EYS: variants seen among roughly 807,000 people sequenced by gnomAD.
The protein encoded by EYS is protein eyes shut homolog.
EYS carries 250 observed loss-of-function variants against 282.1 expected under a neutral mutation model. The observed-to-expected ratio is 0.89, with a 90% CI of 0.80 to 0.98. EYS has a LOEUF of 0.98. EYS is among the 50% of genes least tolerant of loss of function. The pLI, the probability that EYS is intolerant of heterozygous loss-of-function variation, is 0.00. For missense variants in EYS, 4,016 were observed against 3,709.0 expected (o/e 1.08, Z -2.15); for synonymous variants, 1,355 against 1,282.9 (o/e 1.06, Z -1.20).
At chr6:64,634,881 G>A (rs1356677962) in intron 22 of EYS, among the ~76,000 whole-genome samples, 1 of 152,194 alleles carries the variant, frequency 6.6e-6, no homozygotes, top group East Asian at 1.9e-4. Context: ...AAGCATGATG[G>A]GGATGGCATT....
chr6:64,093,843 G>T (rs954757259), intron 31 of EYS, among the ~76,000 whole-genome samples: 2 of 152,144 alleles, frequency 1.3e-5, no homozygotes, highest in African/African-American at 4.8e-5. Context: ...GGTTTTCAAA[G>T]GGAATGCTTC....
chr6:65,467,479 C>A (rs796731942), intron 5 of EYS, among the ~76,000 whole-genome samples: 8 of 151,252 alleles, frequency 5.3e-5, no homozygotes, highest in African/African-American at 1.7e-4. Context: ...CCTAGAATGA[C>A]AAAACTGATA....
chr6:65,466,407 T>C (rs1322845604), intron 5 of EYS, among the ~76,000 whole-genome samples: 1 of 152,046 alleles, frequency 6.6e-6, no homozygotes, highest in African/African-American at 2.4e-5. Flanking sequence ...TATGTACCAT[T>C]TATTAGAAAC....
At chr6:65,221,476 C>T (rs1766463736) in intron 12 of EYS, among the ~76,000 whole-genome samples, 1 of 152,190 alleles carries the variant, frequency 6.6e-6, no homozygotes, top group African/African-American at 2.4e-5. Context: ...GCCTTAGAGG[C>T]TTACACATGG....
At chr6:65,402,706 C>CT in intron 6 of EYS, 101 bp from the exon 7 acceptor site, 1 of 775,442 alleles carries the variant, frequency 1.3e-6, no homozygotes, top group Non-Finnish European at 2.1e-6. Flanking sequence ...TTTTCATGAA[C>CT]TTGGAGTAGA....
At chr6:65,381,899 T>C (rs1206704218) in intron 8 of EYS, among the ~76,000 whole-genome samples, 1 of 152,022 alleles carries the variant, frequency 6.6e-6, no homozygotes, top group Non-Finnish European at 1.5e-5. Flanking sequence ...TTTTAAGGTC[T>C]GTTTTACATA....
At chr6:64,787,967 G>A (rs1774074586) in intron 22 of EYS, among the ~76,000 whole-genome samples, 2 of 152,006 alleles carry the variant, frequency 1.3e-5, no homozygotes, top group South Asian at 4.2e-4. Context: ...TTAAATGGGT[G>A]AATATGCTGC....
chr6:65,167,006 C>T (rs1028605387), intron 12 of EYS, among the ~76,000 whole-genome samples: 3 of 151,102 alleles, frequency 2.0e-5, no homozygotes, highest in African/African-American at 7.3e-5. Context: ...CCCCTTCACA[C>T]CCACTAGGAT....
intron 26 of EYS, among the ~76,000 whole-genome samples, chr6:64,500,602 C>T (rs900065893): frequency 2.6e-5 from 4 of 152,030 alleles, no homozygotes; most frequent in Non-Finnish European, 2.9e-5. Flanking sequence ...CTCCAACATG[C>T]ATATCAAAAG....
At chr6:65,633,296 T>C (rs1167792517) in intron 2 of EYS, among the ~76,000 whole-genome samples, 1 of 152,208 alleles carries the variant, frequency 6.6e-6, no homozygotes, top group East Asian at 1.9e-4. Context: ...TCTTGCAGTG[T>C]GCTATATTTC....
chr6:65,199,529 AATTT>A (rs1765849406), intron 12 of EYS, among the ~76,000 whole-genome samples: 1 of 152,256 alleles, frequency 6.6e-6, no homozygotes, highest in Middle Eastern at 3.4e-3. Flanking sequence ...AGCAGCGTAT[AATTT>A]ATTTAGAAAC....
chr6:65,591,220 G>T (rs191662995), intron 2 of EYS, among the ~76,000 whole-genome samples: 2 of 151,952 alleles, frequency 1.3e-5, no homozygotes, highest in East Asian at 3.9e-4. Flanking sequence ...TGCTTGTTTT[G>T]AGACAGGGTC....
At chr6:65,565,653 G>A (rs1769251435) in intron 2 of EYS, among the ~76,000 whole-genome samples, 1 of 152,144 alleles carries the variant, frequency 6.6e-6, no homozygotes, top group Non-Finnish European at 1.5e-5. Context: ...ACACATGTAT[G>A]TTTATTGTGG....
intron 29 of EYS, among the ~76,000 whole-genome samples, chr6:64,319,821 C>CCTG (rs745791235): frequency 1.7e-4 from 26 of 151,758 alleles, no homozygotes; most frequent in Non-Finnish European, 3.7e-4. Flanking sequence ...ACCTTTCTTC[C>CCTG]CTGCTGCTGC....
intron 11 of EYS, among the ~76,000 whole-genome samples, chr6:65,315,500 T>A (rs1211497046): frequency 6.6e-6 from 1 of 152,088 alleles, no homozygotes; most frequent in Non-Finnish European, 1.5e-5. Flanking sequence ...ACACTGGAGT[T>A]CAGTTGTGTC....
chr6:65,568,584 C>T (rs892621761), intron 2 of EYS, among the ~76,000 whole-genome samples: 1 of 152,068 alleles, frequency 6.6e-6, no homozygotes, highest in African/African-American at 2.4e-5. Context: ...AAATTAAAAA[C>T]AGAAAATAAT....
At chr6:64,617,787 G>A (rs563254872) in intron 23 of EYS, among the ~76,000 whole-genome samples, 2 of 152,228 alleles carry the variant, frequency 1.3e-5, no homozygotes, top group East Asian at 3.9e-4. Context: ...ATAAATGAAA[G>A]TGAGTACATG....
intron 19 of EYS, among the ~76,000 whole-genome samples, chr6:64,864,634 G>A (rs535387837): frequency 1.7e-4 from 26 of 151,022 alleles, no homozygotes; most frequent in South Asian, 1.3e-3. Flanking sequence ...TCCACCTGCC[G>A]CGGCCTTTCA....
chr6:64,193,836 T>C (rs1465668329), intron 31 of EYS, among the ~76,000 whole-genome samples: 2 of 152,188 alleles, frequency 1.3e-5, no homozygotes, highest in Admixed American at 6.5e-5. Context: ...GAACTCATCC[T>C]TTTTTATGGC....
Sources: allele counts gnomAD v4.1 joint callset (sites outside exome capture counted in the v4.1 genomes callset), GRCh38; gene constraint gnomAD v4.1.1; transcripts MANE v1.5; gene names NCBI Gene and HGNC (gene_info 2026-07-23, HGNC 2026-07-21).